MAB21L3: variants seen among roughly 807,000 people sequenced by gnomAD.
MAB21L3 encodes the protein mab-21 like 3, also known as protein mab-21-like 3.
In MAB21L3, 36 loss-of-function variants were observed where a neutral mutation model predicts 37.7. That is an observed-to-expected ratio of 0.96 (90% confidence interval 0.73 to 1.26). The LOEUF is 1.26. Among genes scored for constraint, MAB21L3 ranks in the 50% most tolerant of loss-of-function variants. MAB21L3 has a pLI of 0.00. For missense variants in MAB21L3, 430 were observed against 447.3 expected (o/e 0.96, Z 0.35); for synonymous variants, 186 against 176.8 (o/e 1.05, Z -0.41).
At chr1:116,119,690 C>T (rs1659689270) in intron 3 of MAB21L3, among the ~76,000 whole-genome samples, 1 of 152,112 alleles carries the variant, frequency 6.6e-6, no homozygotes, top group Non-Finnish European at 1.5e-5. Context: ...TAGGTGCCTC[C>T]TGAGCAAGAT....
At chr1:116,131,526 TG>T (rs1660064587) in intron 7 of MAB21L3, among the ~76,000 whole-genome samples, 1 of 152,156 alleles carries the variant, frequency 6.6e-6, no homozygotes, top group Non-Finnish European at 1.5e-5. Flanking sequence ...ATTTTTTTTT[TG>T]TTTTTGAGAC....
In MAB21L3 at chr1:116,128,340, G is replaced by A; in HGVS notation, c.855+1G>A. The A allele has an allele frequency of 1.2e-6, 2 of 1,609,388 alleles. No homozygotes were observed. Among genetic ancestry groups the A allele is most frequent in the South Asian group, 1.1e-5 (1 of 90,374 alleles). ...GGTTATCACGTCCCACCATCTGCAGGTGAGTGTGGGGCAGGTTGGAGAAGA... is the reference window on the plus strand; with the variant it reads ...GGTTATCACGTCCCACCATCTGCAGATGAGTGTGGGGCAGGTTGGAGAAGA... On this transcript the variant is annotated splice_donor_variant, in intron 7 of 7. Transcript: ENST00000369500. LOFTEE classifies it high-confidence loss of function.
chr1:116,113,973 A>G (rs906451438), intron 3 of MAB21L3, among the ~76,000 whole-genome samples: 4 of 152,156 alleles, frequency 2.6e-5, no homozygotes, highest in African/African-American at 7.2e-5. Flanking sequence ...CTGGGCCCTG[A>G]GCAGGCCAAG....
chr1:116,124,888 C>T (rs61788526), intron 5 of MAB21L3, among the ~76,000 whole-genome samples: 20 of 110,454 alleles, frequency 1.8e-4, no homozygotes, highest in East Asian at 2.8e-4. Context: ...CACACACACA[C>T]ATACACACAC....
At chr1:116,130,950 A>C (rs980018204) in intron 7 of MAB21L3, among the ~76,000 whole-genome samples, 9 of 152,230 alleles carry the variant, frequency 5.9e-5, no homozygotes, top group African/African-American at 2.2e-4. Context: ...CATAGTTGCT[A>C]TGAACTTACA....
rs906200770 is a variant in MAB21L3, at chr1:116,134,855, T to A, written c.*1490T>A. The A allele has an allele frequency of 6.6e-6, 1 of 152,138 alleles. No individual in the cohort carries two copies. The highest frequency in any genetic ancestry group is 2.4e-5 in the African/African-American group (1 of 41,434). 9.4% of individuals were successfully genotyped at this position (152,138 alleles called of 1,614,324 possible). ...TGAGATCAATGGTTTTTTTCTGGCG[T>A]TTATGTAATGCTTCTCAACTCAAGG... On this transcript the variant is annotated 3_prime_UTR_variant, in exon 8 of 8. Transcript: ENST00000369500.
intron 3 of MAB21L3, among the ~76,000 whole-genome samples, chr1:116,120,458 T>C (rs1434029823): frequency 6.6e-6 from 1 of 150,670 alleles, no homozygotes; most frequent in Non-Finnish European, 1.5e-5. Flanking sequence ...CATATATATA[T>C]ACAGGAATAC....
chr1:116,120,976 G>A lies in MAB21L3; in HGVS notation c.93G>A (p.Val31=), dbSNP rs1260265831. The change falls in exon 4 of 8, where the codon GTG becomes GTA. Residue 31 remains valine, a synonymous_variant. Transcript: ENST00000369500. ...RQQISQAVEE[V]QKVVHHLTTN... ...AGATTTCCCAGGCTGTGGAGGAGGT[G>A]CAGAAAGTCGTTCATCATTTGACCA... 1.2e-6 allele frequency: 2 copies of A among 1,613,950 alleles called. No homozygotes were observed. The highest frequency in any genetic ancestry group is 1.7e-6 in the Non-Finnish European group (2 of 1,179,928).
intron 4 of MAB21L3, chr1:116,123,855 T>C (rs1035095204): frequency 1.8e-6 from 1 of 541,164 alleles, no homozygotes; most frequent in Non-Finnish European, 3.3e-6. Context: ...CAGGTTAATT[T>C]ACTTGCCCGA....
chr1:116,127,670 C>A, intron 6 of MAB21L3, 26 bp downstream of exon 6: 1 of 1,591,366 alleles, frequency 6.3e-7, no homozygotes. Flanking sequence ...ACCCAGCTTG[C>A]CAGAGCAGTG....
rs1660170701 is a variant in MAB21L3, at chr1:116,134,958, T to G, written c.*1593T>G. ...AATTTCTAAAGCATGAACTACTGAT[T>G]TTGTTTTCATGAAAATTCACATTTG... On this transcript the variant is annotated 3_prime_UTR_variant, in exon 8 of 8. Coordinates refer to ENST00000369500, the MANE Select transcript of MAB21L3 (RefSeq NM_152367.3). The G allele has an allele frequency of 6.6e-6, 1 of 152,208 alleles. No individual in the cohort carries two copies. The highest frequency in any genetic ancestry group is 1.5e-5 in the Non-Finnish European group (1 of 68,040). 9.4% of individuals were successfully genotyped at this position (152,208 alleles called of 1,614,324 possible).
At chr1:116,123,918 C>T (rs547710512) in intron 4 of MAB21L3, 148 bp from the exon 5 acceptor site, 13 of 698,908 alleles carry the variant, frequency 1.9e-5, no homozygotes, top group Non-Finnish European at 7.2e-6. Flanking sequence ...CTTGTAACAC[C>T]CAGGTCGAGG....
chr1:116,126,387 A>G (rs1659909005), intron 5 of MAB21L3, among the ~76,000 whole-genome samples: 1 of 152,224 alleles, frequency 6.6e-6, no homozygotes, highest in African/African-American at 2.4e-5. Flanking sequence ...TTGGAAAACG[A>G]GGCAATGGAG....
rs1660171881 is a variant in MAB21L3 at position 116,135,023 on chromosome 1, C to T, written c.*1658C>T. On this transcript the variant is annotated 3_prime_UTR_variant, in exon 8 of 8. Transcript: ENST00000369500. ...TACTTTTCAAAAGTACTGTAAACGG[C>T]AGGAAAGATCCAAAATTGACACCCT... 2.6e-5 allele frequency: 4 copies of T among 152,216 alleles called. No individual in the cohort carries two copies. In the South Asian group the frequency reaches 8.3e-4, roughly 32 times the overall value. 9.4% of individuals were successfully genotyped at this position (152,216 alleles called of 1,614,324 possible).
At position 116,137,736 on chromosome 1, in the gene MAB21L3, A is replaced by G. The variant is rs1444313288; in HGVS notation, c.*4371A>G. On this transcript the variant is annotated 3_prime_UTR_variant, in exon 8 of 8. Transcript: ENST00000369500. Reference sequence around the variant, plus strand: ...TTGGAACCAACCCAAATATCCAACAATGATAGAGTGGATTAAGAAAATGTG... The same window carrying G: ...TTGGAACCAACCCAAATATCCAACAGTGATAGAGTGGATTAAGAAAATGTG... 4.6e-5 allele frequency among the ~76,000 whole-genome samples: 7 copies of G among 152,162 alleles called. No individual in the cohort carries two copies. The highest frequency in any genetic ancestry group is 1.3e-4 in the Admixed American group (2 of 15,286).
chr1:116,124,358 G>A lies in MAB21L3; in HGVS notation c.481+1G>A. On this transcript the variant is annotated splice_donor_variant, in intron 5 of 7. Coordinates refer to ENST00000369500, the MANE Select transcript of MAB21L3 (RefSeq NM_152367.3). LOFTEE classifies it high-confidence loss of function. The stretch of plus-strand genomic sequence containing the variant: ...GCAGTTAGAACCTGTCACCTCTCAG[G>A]TGAGCTGATCAGGAACAAGTGCAAG... 6.2e-7 allele frequency: 1 copy of A among 1,610,792 alleles called. No homozygotes were observed. Among genetic ancestry groups the A allele is most frequent in the South Asian group, 1.1e-5 (1 of 90,736 alleles).
chr1:116,125,830 C>T (rs541057968), intron 5 of MAB21L3, among the ~76,000 whole-genome samples: 1 of 146,020 alleles, frequency 6.8e-6, no homozygotes, highest in South Asian at 2.1e-4. Flanking sequence ...TTCTGAAGTT[C>T]ACACACCTCA....
At chr1:116,114,100 C>T (rs1659504133) in intron 3 of MAB21L3, among the ~76,000 whole-genome samples, 1 of 152,186 alleles carries the variant, frequency 6.6e-6, no homozygotes. Flanking sequence ...CCCACATATT[C>T]ACTCCCGTTA....
chr1:116,124,876 C>T (rs1659855657), intron 5 of MAB21L3, among the ~76,000 whole-genome samples: 1 of 140,588 alleles, frequency 7.1e-6, no homozygotes, highest in Non-Finnish European at 1.5e-5. Flanking sequence ...TGCATACACA[C>T]ACACACACAC....
Sources: gnomAD v4.1 joint callset for allele counts (sites outside exome capture counted in the v4.1 genomes callset) on GRCh38, gnomAD v4.1.1 for gene constraint, MANE v1.5 for transcripts, NCBI Gene and HGNC (gene_info 2026-07-23, HGNC 2026-07-21) for gene names.